Variants in STK3 observed in about 807,000 individuals in gnomAD.
The protein encoded by STK3 is serine/threonine kinase 3.
Under a neutral mutation model 58.0 loss-of-function variants are expected in STK3, and 41 were observed. The ratio of observed to expected loss-of-function variants is 0.71; its 90% confidence interval spans 0.55 to 0.92. The LOEUF is 0.92. Ranked by LOEUF, STK3 falls within the 40% of genes least tolerant of loss-of-function variation. The pLI is 0.00. For missense variants in STK3, 479 were observed against 602.7 expected (o/e 0.79, Z 2.15); for synonymous variants, 170 against 191.0 (o/e 0.89, Z 0.91).
intron 2 of STK3, chr8:98,379,057 T>C (rs4259391): frequency 0.63 from 95,919 of 151,934 alleles, 31,142 homozygotes; most frequent in Non-Finnish European, 0.7. Flanking sequence ...GTGGGTTCAC[T>C]TGATGTCGGT....
intron 3 of STK3, among the ~76,000 whole-genome samples, chr8:98,864,093 G>A (rs1473026752): frequency 1.3e-5 from 2 of 151,334 alleles, no homozygotes; most frequent in Non-Finnish European, 2.9e-5. Context: ...CAGCTACTCC[G>A]GAGGCTGAGG....
intron 10 of STK3, among the ~76,000 whole-genome samples, chr8:98,504,484 T>C (rs1234231309): frequency 6.6e-5 from 10 of 152,212 alleles, no homozygotes; most frequent in Non-Finnish European, 1.5e-4. Flanking sequence ...CTTCCTAGCA[T>C]TGACAGTCTT....
At chr8:98,798,576 T>A (rs1435938183) in intron 1 of STK3, among the ~76,000 whole-genome samples, 2 of 152,226 alleles carry the variant, frequency 1.3e-5, no homozygotes, top group African/African-American at 4.8e-5. Context: ...GGATTTCTTA[T>A]ATGCTTAGGC....
chr8:98,499,500 A>G (rs1026603514), intron 10 of STK3, among the ~76,000 whole-genome samples: 4 of 152,208 alleles, frequency 2.6e-5, no homozygotes, highest in African/African-American at 7.2e-5. Flanking sequence ...CATGATAGAA[A>G]ATACTCAGAT....
intron 2 of STK3, among the ~76,000 whole-genome samples, chr8:98,435,036 C>T (rs1404554951): frequency 2.0e-5 from 3 of 152,218 alleles, no homozygotes; most frequent in Non-Finnish European, 2.9e-5. Context: ...CCTGGACTGG[C>T]CCCCATCCCT....
chr8:98,832,628 T>C (rs1471847010), intron 3 of STK3, among the ~76,000 whole-genome samples: 2 of 152,156 alleles, frequency 1.3e-5, no homozygotes, highest in Non-Finnish European at 2.9e-5. Context: ...TAATGAGGTA[T>C]GTCTGACCGC....
intron 6 of STK3, among the ~76,000 whole-genome samples, chr8:98,679,792 T>C (rs1013030490): frequency 6.6e-6 from 1 of 152,238 alleles, no homozygotes; most frequent in Non-Finnish European, 1.5e-5. Context: ...TTTATTCATA[T>C]TCTGAGAATC....
At chr8:98,640,004 G>A (rs1587121590) in intron 6 of STK3, among the ~76,000 whole-genome samples, 1 of 152,194 alleles carries the variant, frequency 6.6e-6, no homozygotes, top group East Asian at 1.9e-4. Context: ...CCAGCTGCTT[G>A]AGAGGCTGTT....
chr8:98,474,183 C>T (rs1821135562), intron 10 of STK3, among the ~76,000 whole-genome samples: 1 of 152,180 alleles, frequency 6.6e-6, no homozygotes, highest in Non-Finnish European at 1.5e-5. Context: ...CATCTGCTGT[C>T]ATCTCCCCAG....
At chr8:98,910,586 T>C (rs1260427083) in intron 1 of STK3, among the ~76,000 whole-genome samples, 1 of 152,200 alleles carries the variant, frequency 6.6e-6, no homozygotes, top group Non-Finnish European at 1.5e-5. Flanking sequence ...GAAAATCCTG[T>C]CTTTTATTGG....
intron 3 of STK3, among the ~76,000 whole-genome samples, chr8:98,425,083 G>C (rs1313545812): frequency 6.6e-6 from 1 of 152,166 alleles, no homozygotes; most frequent in African/African-American, 2.4e-5. Context: ...ACTGACACAG[G>C]GATTATAAAT....
chr8:98,832,425 C>G (rs1477734105), intron 3 of STK3, among the ~76,000 whole-genome samples: 1 of 151,988 alleles, frequency 6.6e-6, no homozygotes, highest in Non-Finnish European at 1.5e-5. Flanking sequence ...AAACCGAAGA[C>G]ACAGAGGCAT....
At chr8:98,451,725 A>G (rs531958907), downstream of STK3, among the ~76,000 whole-genome samples, 1 of 152,214 alleles carries the variant, frequency 6.6e-6, no homozygotes, top group Non-Finnish European at 1.5e-5. Context: ...TTTGTATGGA[A>G]CAGGGCAAAA....
chr8:98,643,532 C>T (rs752712722), intron 6 of STK3, among the ~76,000 whole-genome samples: 1 of 152,176 alleles, frequency 6.6e-6, no homozygotes, highest in Non-Finnish European at 1.5e-5. Context: ...TTTAAAAGTA[C>T]AATCAGACCT....
In STK3 at chr8:98,612,818, G is replaced by C. The variant is rs193243479; in HGVS notation, c.685-16649C>G. Among the ~76,000 whole-genome samples, 1,027 of 152,256 alleles carry C rather than the reference G, an allele frequency of 6.7e-3. 8 individuals carry two copies. The highest frequency in any genetic ancestry group is 0.023 in the African/African-American group (963 of 41,544). On this transcript the variant is annotated intron_variant, in intron 6 of 10. Coordinates refer to ENST00000419617, the MANE Select transcript of STK3 (RefSeq NM_006281.4). ...ACAGCCTAAAGTTCTATCCTCATGA[G>C]ACTATAACAAGGTCCCACAATACTC...
intron 9 of STK3, among the ~76,000 whole-genome samples, chr8:98,534,436 C>T (rs556892390): frequency 1.3e-5 from 2 of 152,114 alleles, no homozygotes; most frequent in South Asian, 2.1e-4. Flanking sequence ...GCCAAAGCTG[C>T]CTTTAGATTT....
At chr8:98,715,235 G>T (rs1826899281) in intron 4 of STK3, among the ~76,000 whole-genome samples, 1 of 152,174 alleles carries the variant, frequency 6.6e-6, no homozygotes, top group South Asian at 2.1e-4. Context: ...AGGACTTCAT[G>T]TCTAAAACAC....
chr8:98,415,802 C>G (rs1030172971), intron 3 of STK3, among the ~76,000 whole-genome samples: 1 of 152,162 alleles, frequency 6.6e-6, no homozygotes, highest in African/African-American at 2.4e-5. Context: ...CCAAAGTAAT[C>G]TAATATAATT....
chr8:98,371,773 T>C (rs1817613363), intron 2 of STK3: 2 of 152,188 alleles, frequency 1.3e-5, no homozygotes, highest in Non-Finnish European at 2.9e-5. Context: ...TCAGTTGCAT[T>C]GAGGGCTCTA....
Sources: allele counts gnomAD v4.1 joint callset (sites outside exome capture counted in the v4.1 genomes callset), GRCh38; gene constraint gnomAD v4.1.1; transcripts MANE v1.5; gene names NCBI Gene and HGNC (gene_info 2026-07-23, HGNC 2026-07-21).